Variants in BCAT1 observed in about 807,000 individuals in gnomAD.
BCAT1 encodes the protein branched chain amino acid transaminase 1, also known as branched-chain-amino-acid aminotransferase, cytosolic.
Under a neutral mutation model 52.4 loss-of-function variants are expected in BCAT1, and 48 were observed. That is an observed-to-expected ratio of 0.92 (90% CI 0.73 to 1.16). The LOEUF is 1.16. Ranked by LOEUF, BCAT1 falls within the 50% of genes most tolerant of loss-of-function variation. The probability of loss-of-function intolerance (pLI) is 0.00; values close to 1 mark genes in which losing one functional copy is unlikely to be tolerated. For missense variants in BCAT1, 451 were observed against 457.1 expected, an observed-to-expected ratio of 0.99 and a Z score of 0.12; for synonymous variants, 167 against 161.3, an observed-to-expected ratio of 1.04 and a Z score of -0.27.
chr12:24,933,881 T>C (rs755180677), intron 1 of BCAT1, among the ~76,000 whole-genome samples: 1 of 152,102 alleles, frequency 6.6e-6, no homozygotes, highest in Non-Finnish European at 1.5e-5. Context: ...GCTCACAGAT[T>C]GGTTCAATCA....
chr12:24,921,563 A>G (rs1591877526), intron 1 of BCAT1, among the ~76,000 whole-genome samples: 1 of 152,210 alleles, frequency 6.6e-6, no homozygotes, highest in South Asian at 2.1e-4. Context: ...TAAGCCCAAT[A>G]TATGCCAGTC....
intron 5 of BCAT1, among the ~76,000 whole-genome samples, chr12:24,859,482 G>A (rs1292453374): frequency 5.3e-5 from 8 of 151,724 alleles, no homozygotes; most frequent in South Asian, 4.2e-4. Context: ...TTAGCCAAGC[G>A]TAGTGGCGGG....
chr12:24,932,980 T>C (rs1198465844), intron 1 of BCAT1, among the ~76,000 whole-genome samples: 1 of 151,988 alleles, frequency 6.6e-6, no homozygotes, highest in Non-Finnish European at 1.5e-5. Flanking sequence ...CTTGGCTAAT[T>C]TTTGTATTTT....
chr12:24,907,930 G>C (rs961399923), intron 1 of BCAT1, among the ~76,000 whole-genome samples: 3 of 152,116 alleles, frequency 2.0e-5, no homozygotes, highest in Non-Finnish European at 4.4e-5. Context: ...CTCTTCACAC[G>C]AACACACATG....
rs1191540438 is a variant in BCAT1 at position 24,815,800 on chromosome 12, T to TG, written c.*2207dup. 1 of 152,220 alleles carries TG rather than the reference T, an allele frequency of 6.6e-6. No individual in the cohort carries two copies. Among genetic ancestry groups the TG allele is most frequent in the African/African-American group, 2.4e-5 (1 of 41,464 alleles). 9.4% of individuals were successfully genotyped at this position (152,220 alleles called of 1,614,324 possible). ...ACATAATGTTCTCTAACTTTCACAA[T>TG]GGACAAGTCTCGCCACAATAAATTT... On this transcript the variant is annotated 3_prime_UTR_variant, in exon 11 of 11. Coordinates refer to ENST00000261192, the MANE Select transcript of BCAT1 (RefSeq NM_005504.7).
intron 1 of BCAT1, among the ~76,000 whole-genome samples, chr12:24,905,829 T>C (rs1000853443): frequency 1.6e-4 from 24 of 150,928 alleles, no homozygotes; most frequent in African/African-American, 4.9e-4. Flanking sequence ...TGGCTGCAGT[T>C]TGGAGATTGG....
intron 1 of BCAT1, among the ~76,000 whole-genome samples, chr12:24,931,846 G>A (rs890707444): frequency 7.9e-5 from 12 of 152,202 alleles, no homozygotes; most frequent in South Asian, 2.1e-4. Context: ...TCAGAAAACC[G>A]GGGATGTAAC....
intron 3 of BCAT1, among the ~76,000 whole-genome samples, chr12:24,891,847 C>T: frequency 6.6e-6 from 1 of 151,118 alleles, no homozygotes; most frequent in Non-Finnish European, 1.5e-5. Flanking sequence ...CTCCTGGGTT[C>T]ACGTCATTTT....
rs1940973376 is a variant in BCAT1, at chr12:24,836,914, GAAAGAA to G, written c.818-324_818-319del. Among the ~76,000 whole-genome samples, 16 of 27,616 alleles carry G rather than the reference GAAAGAA, an allele frequency of 5.8e-4. 1 individual carries two copies. The highest frequency in any genetic ancestry group is 3.9e-3 in the East Asian group (6 of 1,556). 18.1% of individuals were successfully genotyped at this position (27,616 alleles called of 152,430 possible). A position where few individuals can be genotyped will look rare whatever the true frequency, so the allele number is the denominator to read the frequency against. On this transcript the variant is annotated intron_variant, in intron 7 of 10. Coordinates refer to ENST00000261192, the MANE Select transcript of BCAT1 (RefSeq NM_005504.7). ...GAAAGAAAGAAAAGAAAGAGAGAAA[GAAAGAA>G]AGAAAGAAAGAAAGAAAGAAAGAAA...
chr12:24,881,234 T>G, intron 4 of BCAT1, 67 bp downstream of exon 4: 1 of 1,105,850 alleles, frequency 9.0e-7, no homozygotes. Context: ...AAATTATTTA[T>G]TTGGTGGTCA....
chr12:24,854,962 C>T (rs1179453045), intron 5 of BCAT1, among the ~76,000 whole-genome samples: 1 of 152,160 alleles, frequency 6.6e-6, no homozygotes, highest in Non-Finnish European at 1.5e-5. Context: ...GGGGATACCT[C>T]TTAGGGACCT....
intron 1 of BCAT1, chr12:24,902,447 C>A (rs1943134361): frequency 9.8e-7 from 1 of 1,023,430 alleles, no homozygotes; most frequent in Non-Finnish European, 1.2e-6. Context: ...CACAGGGAAG[C>A]GGGACTAATT....
In BCAT1 at chr12:24,849,874, T is replaced by G. The variant is rs1173912797; in HGVS notation, c.586A>C (p.Ser196Arg). ...LLSPVGPYFS[S>R]GTFNPVSLWA... ...AGGGACACTGGATTAAAGGTTCCAC[T>G]TGAAAAATAAGGTCCCACTGGGCTC... Residue 196 changes from serine to arginine, a missense_variant, in exon 6 of 11, where the codon AGT (serine) becomes CGT (arginine). Transcript: ENST00000261192. 2 of 1,613,732 alleles carry G rather than the reference T, an allele frequency of 1.2e-6. No homozygotes were observed. The highest frequency in any genetic ancestry group is 3.3e-5 in the Admixed American group (2 of 59,984).
At chr12:24,912,690 C>A (rs570746610) in intron 1 of BCAT1, among the ~76,000 whole-genome samples, 36 of 127,416 alleles carry the variant, frequency 2.8e-4, no homozygotes, top group African/African-American at 9.0e-4. Flanking sequence ...CACAGTGAGA[C>A]CCCATCTCTA....
rs564406576 is a variant in BCAT1 at position 24,885,677 on chromosome 12, A to G, written c.280-4266T>C. Among the ~76,000 whole-genome samples the G allele has an allele frequency of 2.0e-4, 31 of 152,354 alleles. 1 individual carries two copies. The Middle Eastern group carries it at 0.014, about 67-fold the overall frequency. ...GCTCATTATAATGACTGAGAAACCA[A>G]GACTGTGGCATTTATGCAGACAAGT... is the stretch of plus-strand genomic sequence containing the variant. On this transcript the variant is annotated intron_variant, in intron 3 of 10. Transcript: ENST00000261192.
In BCAT1 at chr12:24,814,241, T is replaced by G. The variant is rs1350066552; in HGVS notation, c.*3767A>C. ...CTTTGATAATTTTAGAGTCAAGACA[T>G]GAAATAAGGGATTTCTCTAACCCTT... On this transcript the variant is annotated 3_prime_UTR_variant, in exon 11 of 11. Transcript: ENST00000261192. 3 of 152,114 alleles carry G rather than the reference T, an allele frequency of 2.0e-5. No individual in the cohort carries two copies. Among genetic ancestry groups the G allele is most frequent in the African/African-American group, 7.2e-5 (3 of 41,446 alleles). 9.4% of individuals were successfully genotyped at this position (152,114 alleles called of 1,614,324 possible).
At chr12:24,901,007 A>T (rs1214647443) in intron 2 of BCAT1, among the ~76,000 whole-genome samples, 1 of 152,238 alleles carries the variant, frequency 6.6e-6, no homozygotes, top group Non-Finnish European at 1.5e-5. Context: ...CAAGAGAAGG[A>T]AAAAGAAAAA....
At chr12:24,875,510 TA>T in intron 5 of BCAT1, among the ~76,000 whole-genome samples, 1 of 152,334 alleles carries the variant, frequency 6.6e-6, no homozygotes, top group African/African-American at 2.4e-5. Context: ...AGTAGATTTT[TA>T]AAAATTATTG....
At chr12:24,826,716 T>C (rs1432912973) in intron 10 of BCAT1, among the ~76,000 whole-genome samples, 1 of 152,218 alleles carries the variant, frequency 6.6e-6, no homozygotes, top group Non-Finnish European at 1.5e-5. Context: ...AATCTGTAAA[T>C]TGCTTTGTGT....
Sources: gnomAD v4.1 joint callset for allele counts (sites outside exome capture counted in the v4.1 genomes callset) on GRCh38, gnomAD v4.1.1 for gene constraint, MANE v1.5 for transcripts, NCBI Gene and HGNC (gene_info 2026-07-23, HGNC 2026-07-21) for gene names.